Variants in PPP2R2B observed in about 807,000 individuals in gnomAD.
PPP2R2B encodes the protein protein phosphatase 2 regulatory subunit Bbeta, also known as serine/threonine-protein phosphatase 2A 55 kDa regulatory subunit B beta isoform.
PPP2R2B carries 5 observed loss-of-function variants against 46.0 expected under a neutral mutation model. The ratio of observed to expected loss-of-function variants is 0.11; its 90% CI spans 0.06 to 0.23. The LOEUF is 0.23. Ranked by LOEUF, PPP2R2B falls within the 10% of genes least tolerant of loss-of-function variation. PPP2R2B has a pLI of 1.00. For missense variants in PPP2R2B, 367 were observed against 575.0 expected, an observed-to-expected ratio of 0.64 and a Z score of 3.70; for synonymous variants, 215 against 206.7, an observed-to-expected ratio of 1.04 and a Z score of -0.34.
At chr5:146,834,652 A>C in intron 2 of PPP2R2B, among the ~76,000 whole-genome samples, 1 of 151,942 alleles carries the variant, frequency 6.6e-6, no homozygotes, top group East Asian at 1.9e-4. Context: ...TTTTTCTTTA[A>C]GTTTAGGTTC....
intron 1 of PPP2R2B, among the ~76,000 whole-genome samples, chr5:146,930,996 T>C (rs546026140): frequency 2.0e-4 from 30 of 152,280 alleles, no homozygotes; most frequent in African/African-American, 6.5e-4. Context: ...CCAGTGAATG[T>C]AAATTCTCAC....
intron 2 of PPP2R2B, among the ~76,000 whole-genome samples, chr5:146,779,643 C>T (rs949615731): frequency 2.0e-5 from 3 of 152,132 alleles, no homozygotes; most frequent in Non-Finnish European, 4.4e-5. Flanking sequence ...CCTTGCTGTT[C>T]TCTGCAATGA....
intron 1 of PPP2R2B, among the ~76,000 whole-genome samples, chr5:146,891,927 G>A (rs892063164): frequency 1.3e-5 from 2 of 152,128 alleles, no homozygotes; most frequent in African/African-American, 2.4e-5. Context: ...ACCAAGCACA[G>A]GACCCTTCTA....
intron 1 of PPP2R2B, among the ~76,000 whole-genome samples, chr5:146,897,824 A>C (rs562191470): frequency 2.6e-5 from 4 of 152,192 alleles, no homozygotes; most frequent in Non-Finnish European, 4.4e-5. Context: ...AAAAACATGG[A>C]ATTAAAAAAT....
chr5:146,870,850 A>G (rs1761575839), intron 2 of PPP2R2B, among the ~76,000 whole-genome samples: 1 of 152,206 alleles, frequency 6.6e-6, no homozygotes, highest in Non-Finnish European at 1.5e-5. Context: ...CACAGAAGTG[A>G]AAGTCTGACT....
chr5:147,059,922 C>T (rs910828542), upstream of PPP2R2B, among the ~76,000 whole-genome samples: 1 of 152,102 alleles, frequency 6.6e-6, no homozygotes, highest in South Asian at 2.1e-4. Flanking sequence ...CTGAAGCCCA[C>T]GTCTTACAGA....
chr5:146,585,310 T>A lies in PPP2R2B; in HGVS notation c.*4637A>T, dbSNP rs900424806. ...CACACACACACACACACATAATGTA[T>A]GATGGGGATAGTGGATAAGAACTTT... On this transcript the variant is annotated 3_prime_UTR_variant, in exon 10 of 10. Coordinates refer to ENST00000394411, the MANE Select transcript of PPP2R2B (RefSeq NM_181675.4). 3 of 117,522 alleles carry A rather than the reference T, an allele frequency of 2.6e-5. No individual in the cohort carries two copies. Among genetic ancestry groups the A allele is most frequent in the African/African-American group, 6.7e-5 (2 of 29,772 alleles). 7.3% of individuals were successfully genotyped at this position (117,522 alleles called of 1,614,324 possible).
chr5:147,008,426 T>C (rs866883168), intron 1 of PPP2R2B, among the ~76,000 whole-genome samples: 13 of 152,198 alleles, frequency 8.5e-5, no homozygotes, highest in East Asian at 1.9e-4. Context: ...TGAAGGTCTA[T>C]TCATAAATCT....
At chr5:147,025,835 A>G (rs1755503337) in intron 1 of PPP2R2B, among the ~76,000 whole-genome samples, 2 of 152,142 alleles carry the variant, frequency 1.3e-5, no homozygotes, top group Non-Finnish European at 2.9e-5. Context: ...AATCCATGAC[A>G]AAATGTTAGC....
Position 146,610,070 on chromosome 5 carries a change from G to C in PPP2R2B, c.791-9610C>G, listed in dbSNP as rs1172118596. On this transcript the variant is annotated intron_variant, in intron 7 of 9. Coordinates refer to ENST00000394411, the MANE Select transcript of PPP2R2B (RefSeq NM_181675.4). ...GGCACAGACAAACAAAAAGACAGCA[G>C]TAACCTCTGCAGACTTAAGTGTCCC... Among the ~76,000 whole-genome samples the C allele has an allele frequency of 1.9e-4, 14 of 74,896 alleles. 2 individuals are homozygous for C. The South Asian group carries it at 0.011, about 58-fold the overall frequency. The allele number at this position is 74,896 out of a possible 152,430, so 49.1% of individuals were successfully genotyped here. A position where few individuals can be genotyped will look rare whatever the true frequency, so the allele number is the denominator to read the frequency against.
intron 2 of PPP2R2B, among the ~76,000 whole-genome samples, chr5:146,767,840 A>G (rs1380755066): frequency 6.6e-6 from 1 of 152,134 alleles, no homozygotes; most frequent in Non-Finnish European, 1.5e-5. Context: ...CCACTATAGA[A>G]TCATATACAG....
chr5:147,016,235 G>A (rs1278439418), intron 1 of PPP2R2B, among the ~76,000 whole-genome samples: 2 of 151,300 alleles, frequency 1.3e-5, no homozygotes, highest in African/African-American at 4.8e-5. Context: ...TAGCTACTCA[G>A]GAGGTAGGAG....
intron 1 of PPP2R2B, among the ~76,000 whole-genome samples, chr5:147,017,789 A>T (rs918539217): frequency 2.6e-5 from 4 of 152,122 alleles, no homozygotes; most frequent in African/African-American, 9.7e-5. Context: ...GACAGGGTTA[A>T]GCCTGCCACT....
chr5:146,955,980 C>T (rs1032494831), intron 1 of PPP2R2B, among the ~76,000 whole-genome samples: 1 of 151,438 alleles, frequency 6.6e-6, no homozygotes, highest in Non-Finnish European at 1.5e-5. Flanking sequence ...GGTTTCACCA[C>T]GTTGGTCAGG....
intron 5 of PPP2R2B, among the ~76,000 whole-genome samples, chr5:146,669,355 A>T (rs34531884): frequency 1.3e-5 from 2 of 152,070 alleles, no homozygotes; most frequent in African/African-American, 4.8e-5. Context: ...CTTCAGACCA[A>T]TGGTCTGGGT....
intron 2 of PPP2R2B, among the ~76,000 whole-genome samples, chr5:146,847,721 T>C (rs1315488264): frequency 6.6e-6 from 1 of 152,192 alleles, no homozygotes; most frequent in East Asian, 1.9e-4. Context: ...GTGCCAAGAC[T>C]TGTTTCAAGT....
At chr5:147,057,345 G>T (rs534929702), upstream of PPP2R2B, among the ~76,000 whole-genome samples, 16 of 152,280 alleles carry the variant, frequency 1.1e-4, no homozygotes, top group South Asian at 3.1e-3. Context: ...TGCCTAAGTG[G>T]TCTGGTTTGT....
intron 1 of PPP2R2B, among the ~76,000 whole-genome samples, chr5:146,933,554 C>T (rs1764036265): frequency 6.6e-6 from 1 of 152,050 alleles, no homozygotes; most frequent in African/African-American, 2.4e-5. Context: ...TAAGGGCCAC[C>T]TCACTTTATT....
chr5:146,667,095 T>C (rs1300291328), intron 5 of PPP2R2B, among the ~76,000 whole-genome samples: 1 of 152,122 alleles, frequency 6.6e-6, no homozygotes, highest in African/African-American at 2.4e-5. Flanking sequence ...TAATAAAGGC[T>C]ATTGGTCAGA....
Sources: allele counts gnomAD v4.1 joint callset (sites outside exome capture counted in the v4.1 genomes callset), GRCh38; gene constraint gnomAD v4.1.1; transcripts MANE v1.5; gene names NCBI Gene and HGNC (gene_info 2026-07-23, HGNC 2026-07-21).